BTG4: variants seen among roughly 807,000 people sequenced by gnomAD.
BTG4 encodes protein BTG4.
A neutral mutation model predicts 19.3 loss-of-function variants in BTG4; 10 were observed. That is an observed-to-expected ratio of 0.52 (90% confidence interval 0.32 to 0.88). The LOEUF is 0.88. Among genes scored for constraint, BTG4 ranks in the 40% least tolerant of loss-of-function variants. The probability of loss-of-function intolerance (pLI) is 0.04; values close to 1 mark genes in which losing one functional copy is unlikely to be tolerated. For synonymous variants in BTG4, 91 were observed against 95.7 expected, an observed-to-expected ratio of 0.95 and a Z score of 0.29; for missense variants, 238 against 281.9, an observed-to-expected ratio of 0.84 and a Z score of 1.11.
the BTG4 span, among the ~76,000 whole-genome samples, chr11:111,441,107 T>C: frequency 7.9e-6 from 1 of 126,276 alleles, no homozygotes; most frequent in African/African-American, 2.7e-5. Context: ...CAGAGACCGC[T>C]CTCTTTTCTT....
At chr11:111,387,727 A>G in the BTG4 span, among the ~76,000 whole-genome samples, 1 of 152,250 alleles carries the variant, frequency 6.6e-6, no homozygotes, top group South Asian at 2.1e-4. Flanking sequence ...TGAGACTGCC[A>G]TAAATGATCT....
chr11:111,422,175 T>C, the BTG4 span, among the ~76,000 whole-genome samples: 1 of 152,218 alleles, frequency 6.6e-6, no homozygotes, highest in Admixed American at 6.5e-5. Context: ...GAGGGTCTTC[T>C]GGTCTCAGCG....
At chr11:111,414,478 G>T in the BTG4 span, 2 of 152,140 alleles carry the variant, frequency 1.3e-5, no homozygotes, top group Admixed American at 1.3e-4. Context: ...TCATCTTCAT[G>T]GGAAACAGAA....
At chr11:111,391,400 G>A in the BTG4 span, among the ~76,000 whole-genome samples, 1 of 152,172 alleles carries the variant, frequency 6.6e-6, no homozygotes, top group Non-Finnish European at 1.5e-5. Flanking sequence ...GAAATGTCAC[G>A]TGAGGCTCAA....
At chr11:111,485,692 AG>A (rs1323650284) in intron 5 of BTG4, among the ~76,000 whole-genome samples, 4 of 152,198 alleles carry the variant, frequency 2.6e-5, no homozygotes, top group Non-Finnish European at 5.9e-5. Flanking sequence ...TTGAAGAACT[AG>A]AAAAGCAAGA....
the BTG4 span, chr11:111,450,713 G>C: frequency 6.6e-6 from 1 of 152,176 alleles, no homozygotes; most frequent in African/African-American, 2.4e-5. Flanking sequence ...CTCTTACCCC[G>C]GTCCCTGCAG....
the BTG4 span, among the ~76,000 whole-genome samples, chr11:111,435,624 TC>T: frequency 1.3e-5 from 2 of 152,126 alleles, no homozygotes; most frequent in African/African-American, 4.8e-5. Flanking sequence ...GCCTACCCTG[TC>T]CCAACAGGTT....
At chr11:111,390,127 A>T in the BTG4 span, among the ~76,000 whole-genome samples, 3 of 152,140 alleles carry the variant, frequency 2.0e-5, no homozygotes, top group Non-Finnish European at 4.4e-5. Flanking sequence ...GGGCAATCTG[A>T]CTCCATAGCT....
intron 5 of BTG4, among the ~76,000 whole-genome samples, chr11:111,486,358 C>T (rs1865061272): frequency 6.6e-6 from 1 of 152,120 alleles, no homozygotes; most frequent in South Asian, 2.1e-4. Flanking sequence ...TTGCTTGAGC[C>T]TGGGAGGCAG....
At chr11:111,440,289 G>C in the BTG4 span, among the ~76,000 whole-genome samples, 1 of 152,114 alleles carries the variant, frequency 6.6e-6, no homozygotes, top group African/African-American at 2.4e-5. Flanking sequence ...TAAAATCCCA[G>C]AATCTCACTT....
the BTG4 span, among the ~76,000 whole-genome samples, chr11:111,422,667 C>T: frequency 6.6e-6 from 1 of 152,206 alleles, no homozygotes; most frequent in Non-Finnish European, 1.5e-5. Flanking sequence ...ACCTTTGTGC[C>T]TCAGGTGCAG....
At chr11:111,432,438 G>C in the BTG4 span, among the ~76,000 whole-genome samples, 2 of 152,218 alleles carry the variant, frequency 1.3e-5, no homozygotes, top group African/African-American at 4.8e-5. Context: ...GAGGTCAGGA[G>C]TTCGAGACCA....
downstream of BTG4, among the ~76,000 whole-genome samples, chr11:111,463,720 C>A (rs1336031072): frequency 1.3e-5 from 2 of 152,106 alleles, no homozygotes; most frequent in Non-Finnish European, 2.9e-5. Flanking sequence ...TTCTTTGGGC[C>A]AAGGATCTGG....
chr11:111,397,392 G>A, the BTG4 span, among the ~76,000 whole-genome samples: 1 of 152,016 alleles, frequency 6.6e-6, no homozygotes, highest in Non-Finnish European at 1.5e-5. Flanking sequence ...CACTTTCTAG[G>A]ATCCAGCATA....
At chr11:111,458,344 A>G in the BTG4 span, 1 of 152,360 alleles carries the variant, frequency 6.6e-6, no homozygotes, top group Non-Finnish European at 1.5e-5. Context: ...CCTACTGGCC[A>G]TGCACATGCG....
the BTG4 span, among the ~76,000 whole-genome samples, chr11:111,413,156 A>G: frequency 6.6e-6 from 1 of 152,200 alleles, no homozygotes; most frequent in African/African-American, 2.4e-5. Context: ...AAACACAGAG[A>G]AGGCAAGAGT....
chr11:111,508,495 A>G (rs1866619962), intron 1 of BTG4, among the ~76,000 whole-genome samples: 1 of 151,928 alleles, frequency 6.6e-6, no homozygotes, highest in South Asian at 2.1e-4. Flanking sequence ...TGCTCTTCCA[A>G]TTGGCCTTAT....
the BTG4 span, among the ~76,000 whole-genome samples, chr11:111,436,041 A>G: frequency 6.6e-6 from 1 of 152,218 alleles, no homozygotes; most frequent in African/African-American, 2.4e-5. Flanking sequence ...TATTTTTGCA[A>G]AGTACTTTTG....
downstream of BTG4, among the ~76,000 whole-genome samples, chr11:111,493,135 G>A (rs1016859254): frequency 3.2e-4 from 48 of 152,248 alleles, no homozygotes; most frequent in African/African-American, 1.1e-3. Flanking sequence ...AACAAAGTGA[G>A]ACTCTGTCTC....
Sources: allele counts gnomAD v4.1 joint callset (sites outside exome capture counted in the v4.1 genomes callset), GRCh38; gene constraint gnomAD v4.1.1; transcripts MANE v1.5; gene names NCBI Gene and HGNC (gene_info 2026-07-23, HGNC 2026-07-21).